The following MARCHF11 variants were observed in gnomAD, a reference collection of about 807,000 sequenced individuals.
MARCHF11 encodes the protein membrane associated ring-CH-type finger 11.
Under a neutral mutation model 37.3 loss-of-function variants are expected in MARCHF11, and 29 were observed. That is an observed-to-expected ratio of 0.78 (90% CI 0.58 to 1.06). The LOEUF is 1.06. Among genes scored for constraint, MARCHF11 ranks in the 50% least tolerant of loss-of-function variants. The probability of loss-of-function intolerance (pLI) is 0.00; values close to 1 mark genes in which losing one functional copy is unlikely to be tolerated. For missense variants in MARCHF11, 482 were observed against 533.4 expected, an observed-to-expected ratio of 0.90 and a Z score of 0.95; for synonymous variants, 233 against 228.0, an observed-to-expected ratio of 1.02 and a Z score of -0.20.
intron 3 of MARCHF11, among the ~76,000 whole-genome samples, chr5:16,074,519 G>A (rs1054661474): frequency 6.6e-6 from 1 of 152,172 alleles, no homozygotes; most frequent in South Asian, 2.1e-4. Context: ...ACCAAGACAT[G>A]TTGGTTTTTC....
chr5:16,118,526 C>T (rs909616959), intron 2 of MARCHF11, among the ~76,000 whole-genome samples: 6 of 152,174 alleles, frequency 3.9e-5, no homozygotes, highest in Non-Finnish European at 5.9e-5. Flanking sequence ...ACCAAGAATT[C>T]TTTTATAGAC....
At chr5:16,136,607 A>G (rs1334284231) in intron 2 of MARCHF11, among the ~76,000 whole-genome samples, 2 of 152,256 alleles carry the variant, frequency 1.3e-5, no homozygotes, top group Non-Finnish European at 2.9e-5. Context: ...CTATGCTATG[A>G]CAAATGTAGA....
At chr5:16,085,549 G>A (rs2126552825) in intron 3 of MARCHF11, among the ~76,000 whole-genome samples, 1 of 143,296 alleles carries the variant, frequency 7.0e-6, no homozygotes, top group Non-Finnish European at 1.5e-5. Flanking sequence ...TAGTTGGCAT[G>A]GTATGAGGAA....
chr5:16,128,473 A>T (rs1460257143), intron 2 of MARCHF11, among the ~76,000 whole-genome samples: 1 of 152,208 alleles, frequency 6.6e-6, no homozygotes, highest in Non-Finnish European at 1.5e-5. Context: ...GCCCAAAGCC[A>T]CTGAGATAAC....
intron 2 of MARCHF11, among the ~76,000 whole-genome samples, chr5:16,176,056 A>T (rs768291820): frequency 3.3e-5 from 5 of 151,908 alleles, no homozygotes; most frequent in Non-Finnish European, 7.4e-5. Flanking sequence ...GACAGTAGTA[A>T]CCAATTCTTT....
chr5:16,148,766 C>T (rs1737845141), intron 2 of MARCHF11, among the ~76,000 whole-genome samples: 1 of 151,982 alleles, frequency 6.6e-6, no homozygotes, highest in South Asian at 2.1e-4. Context: ...CTATTTTGTG[C>T]TAAAAATCTT....
rs2126305778 is a variant in MARCHF11 at position 16,179,605 on chromosome 5, C to T, written c.-30G>A. ...GTGCCGCCGCCGCCCTCCTGCCGGC[C>T]CGGCTGGCGGGCCGGGCTCTGGCTG... On this transcript the variant is annotated 5_prime_UTR_variant, in exon 1 of 4. Transcript: ENST00000332432. The T allele has an allele frequency of 8.7e-7, 1 of 1,150,752 alleles. No individual in the cohort carries two copies. The allele number at this position is 1,150,752 out of a possible 1,614,324, so 71.3% of individuals were successfully genotyped here. A position where few individuals can be genotyped will look rare whatever the true frequency, so the allele number is the denominator to read the frequency against.
intron 2 of MARCHF11, among the ~76,000 whole-genome samples, chr5:16,165,881 G>A (rs1361526603): frequency 6.6e-6 from 1 of 151,994 alleles, no homozygotes; most frequent in Non-Finnish European, 1.5e-5. Flanking sequence ...ACAAAGATGG[G>A]GGAATTGAGC....
chr5:16,097,628 A>T (rs373307787), intron 2 of MARCHF11, among the ~76,000 whole-genome samples: 4 of 152,344 alleles, frequency 2.6e-5, no homozygotes, highest in East Asian at 1.9e-4. Flanking sequence ...AAACTTAATT[A>T]CCAAAACTGA....
chr5:16,139,160 G>T (rs1280671842), intron 2 of MARCHF11, among the ~76,000 whole-genome samples: 1 of 152,154 alleles, frequency 6.6e-6, no homozygotes, highest in African/African-American at 2.4e-5. Flanking sequence ...GCCTTGAATT[G>T]TAGCTTCCAT....
chr5:16,070,320 A>C (rs922151453), intron 3 of MARCHF11, among the ~76,000 whole-genome samples: 1 of 152,224 alleles, frequency 6.6e-6, no homozygotes, highest in African/African-American at 2.4e-5. Flanking sequence ...GTATAAAAAT[A>C]AATTGGAATT....
At chr5:16,133,645 A>ACATG (rs1467988004) in intron 2 of MARCHF11, among the ~76,000 whole-genome samples, 2 of 145,458 alleles carry the variant, frequency 1.4e-5, no homozygotes. Flanking sequence ...ACACACATAC[A>ACATG]CATGCACACA....
At chr5:16,118,665 T>G (rs1737259427) in intron 2 of MARCHF11, among the ~76,000 whole-genome samples, 1 of 152,048 alleles carries the variant, frequency 6.6e-6, no homozygotes, top group South Asian at 2.1e-4. Flanking sequence ...TAAACTACAC[T>G]AAGCCGTCAG....
intron 2 of MARCHF11, among the ~76,000 whole-genome samples, chr5:16,124,778 C>T (rs909504282): frequency 2.8e-5 from 4 of 142,052 alleles, no homozygotes; most frequent in Non-Finnish European, 6.5e-5. Flanking sequence ...ATTCAGTCAC[C>T]AATTCAGGAC....
At chr5:16,116,072 T>C (rs1250993204) in intron 2 of MARCHF11, among the ~76,000 whole-genome samples, 1 of 152,186 alleles carries the variant, frequency 6.6e-6, no homozygotes, top group Non-Finnish European at 1.5e-5. Flanking sequence ...CTTTGGAACA[T>C]GAATGTACTT....
At chr5:16,122,269 G>A (rs1560981036) in intron 2 of MARCHF11, among the ~76,000 whole-genome samples, 3 of 152,086 alleles carry the variant, frequency 2.0e-5, no homozygotes, top group Non-Finnish European at 4.4e-5. Flanking sequence ...CATGCACTGG[G>A]TCTGAGTCTG....
intron 2 of MARCHF11, among the ~76,000 whole-genome samples, chr5:16,104,602 T>C (rs1448205568): frequency 6.6e-6 from 1 of 151,912 alleles, no homozygotes. Context: ...ATACTTGAAA[T>C]ACACTTAATT....
At chr5:16,129,964 A>C (rs903075789) in intron 2 of MARCHF11, among the ~76,000 whole-genome samples, 2 of 152,184 alleles carry the variant, frequency 1.3e-5, no homozygotes, top group Non-Finnish European at 2.9e-5. Flanking sequence ...TATGCTATGA[A>C]ATCTGAAATT....
chr5:16,167,003 CTTATGAACATACAACGATGTTCAT>C (rs1296786660), intron 2 of MARCHF11, among the ~76,000 whole-genome samples: 1 of 147,486 alleles, frequency 6.8e-6, no homozygotes, highest in Non-Finnish European at 1.5e-5. Context: ...TGTTCATTTA[CTTATGAACATACAACGATGTTCAT>C]TTACTTATGT....
Sources: allele counts gnomAD v4.1 joint callset (sites outside exome capture counted in the v4.1 genomes callset), GRCh38; gene constraint gnomAD v4.1.1; transcripts MANE v1.5; gene names NCBI Gene and HGNC (gene_info 2026-07-23, HGNC 2026-07-21).